Variants in ARHGEF10 observed in about 807,000 individuals in gnomAD.
ARHGEF10 encodes the protein Rho guanine nucleotide exchange factor 10.
In ARHGEF10, 140 loss-of-function variants were observed where a neutral mutation model predicts 147.4. The observed-to-expected ratio is 0.95, with a 90% confidence interval of 0.83 to 1.09. The LOEUF is 1.09. Ranked by LOEUF, ARHGEF10 falls within the 50% of genes least tolerant of loss-of-function variation. The pLI, the probability that ARHGEF10 is intolerant of heterozygous loss-of-function variation, is 0.00. For synonymous variants in ARHGEF10, 902 were observed against 695.8 expected, an observed-to-expected ratio of 1.30 and a Z score of -4.67; for missense variants, 2,222 against 1,752.7, an observed-to-expected ratio of 1.27 and a Z score of -4.78.
At chr8:1,872,567 C>G (rs935733071) in intron 7 of ARHGEF10, among the ~76,000 whole-genome samples, 4 of 152,166 alleles carry the variant, frequency 2.6e-5, no homozygotes, top group Non-Finnish European at 5.9e-5. Flanking sequence ...GTTCAAGGAT[C>G]CTTTGAGAAG....
rs937265397 is a variant in ARHGEF10, at chr8:1,826,375, T to C, written c.-48+2262T>C. 2.4e-4 allele frequency among the ~76,000 whole-genome samples: 37 copies of C among 151,980 alleles called. 1 individual carries two copies. Among genetic ancestry groups the C allele is most frequent in the Admixed American group, 2.2e-3 (34 of 15,242 alleles). Reference sequence around the variant, plus strand: ...GTATGTGTTTGTGTTTGTATGCATGTGTGTGCGTTTGTGTGTGCGTGTGTT... The same window carrying C: ...GTATGTGTTTGTGTTTGTATGCATGCGTGTGCGTTTGTGTGTGCGTGTGTT... On this transcript the variant is annotated intron_variant, in intron 1 of 28. Coordinates refer to ENST00000349830, the MANE Select transcript of ARHGEF10 (RefSeq NM_014629.4).
At chr8:1,950,841 A>G (rs1230985848) in intron 27 of ARHGEF10, among the ~76,000 whole-genome samples, 4 of 149,886 alleles carry the variant, frequency 2.7e-5, no homozygotes, top group Non-Finnish European at 5.9e-5. Flanking sequence ...CGGCCTCCCA[A>G]AGTGCTGGGA....
chr8:1,912,452 C>T lies in ARHGEF10; in HGVS notation c.2143+2982C>T, dbSNP rs192155606. ...GTCCCTGCAAAAGTGCTGTGTGGAT[C>T]GTGTGGGTTGAGTGTTTGCCGTGCA... is the stretch of plus-strand genomic sequence containing the variant. On this transcript the variant is annotated intron_variant, in intron 18 of 28. Coordinates refer to ENST00000349830, the MANE Select transcript of ARHGEF10 (RefSeq NM_014629.4). 9.9e-5 allele frequency among the ~76,000 whole-genome samples: 15 copies of T among 151,716 alleles called. No homozygotes were observed. The East Asian group carries it at 2.5e-3, about 26-fold the overall frequency.
rs945594585 is a variant in ARHGEF10, at chr8:1,842,536, C to T, written c.-47-817C>T. Among the ~76,000 whole-genome samples the T allele has an allele frequency of 1.1e-4, 16 of 152,196 alleles. 1 individual carries two copies. Among genetic ancestry groups the T allele is most frequent in the Admixed American group, 8.5e-4 (13 of 15,286 alleles). On this transcript the variant is annotated intron_variant, in intron 1 of 28. Coordinates refer to ENST00000349830, the MANE Select transcript of ARHGEF10 (RefSeq NM_014629.4). ...TGGGTGACACTCAGGGACCATGCCC[C>T]CTGTGGTCCCATGTGCTTTTCCTGA... is the stretch of plus-strand genomic sequence containing the variant.
intron 27 of ARHGEF10, among the ~76,000 whole-genome samples, chr8:1,947,049 C>T (rs956031805): frequency 2.6e-5 from 4 of 152,358 alleles, no homozygotes; most frequent in South Asian, 2.1e-4. Flanking sequence ...AGAAAGCAGA[C>T]GCTCTGCTGT....
At chr8:1,831,764 C>G (rs1226456648) in intron 1 of ARHGEF10, among the ~76,000 whole-genome samples, 2 of 152,246 alleles carry the variant, frequency 1.3e-5, no homozygotes, top group Non-Finnish European at 2.9e-5. Context: ...TCCTGGACAC[C>G]TGCACAGGGT....
At position 1,929,243 on chromosome 8, in the gene ARHGEF10, C is replaced by G; in HGVS notation, c.2922-43C>G. 3 of 1,598,678 alleles carry G rather than the reference C, an allele frequency of 1.9e-6. No homozygotes were observed. In the African/African-American group the frequency reaches 4.0e-5, roughly 21 times the overall value. On this transcript the variant is annotated intron_variant, in intron 24 of 28. Transcript: ENST00000349830. ...TTAACAGGCACCCTCGTTCTTGTTACAACGAGCAAATATATTTATTAGCTT... is the reference window on the plus strand; with the variant it reads ...TTAACAGGCACCCTCGTTCTTGTTAGAACGAGCAAATATATTTATTAGCTT...
At chr8:1,952,515 C>G (rs1027477718) in intron 27 of ARHGEF10, among the ~76,000 whole-genome samples, 190 bp from the exon 28 acceptor site, 7 of 152,238 alleles carry the variant, frequency 4.6e-5, no homozygotes, top group Admixed American at 4.6e-4. Context: ...GGTATGCCCT[C>G]AAGACCCTTG....
intron 17 of ARHGEF10, among the ~76,000 whole-genome samples, chr8:1,908,344 C>T (rs1811073260): frequency 6.6e-6 from 1 of 150,818 alleles, no homozygotes; most frequent in Non-Finnish European, 1.5e-5. Flanking sequence ...CATTCTCCTG[C>T]CTCAGCCTCC....
chr8:1,880,094 T>TGA lies in ARHGEF10; in HGVS notation c.895_896dup (p.Asp299GlufsTer3). 6 of 1,614,154 alleles carry TGA rather than the reference T, an allele frequency of 3.7e-6. No individual in the cohort carries two copies. Among genetic ancestry groups the TGA allele is most frequent in the Non-Finnish European group, 5.1e-6 (6 of 1,180,010 alleles). ...TTAAAGGAGCACTATGAGAAAAAGA[T>TGA]GAGAGATTTGATGGCAAGCACGGTG... On this transcript the variant is annotated frameshift_variant, in exon 9 of 29. Coordinates refer to ENST00000349830, the MANE Select transcript of ARHGEF10 (RefSeq NM_014629.4). LOFTEE classifies it high-confidence loss of function.
At chr8:1,936,775 G>T (rs1417742924) in intron 26 of ARHGEF10, among the ~76,000 whole-genome samples, 1 of 152,222 alleles carries the variant, frequency 6.6e-6, no homozygotes, top group African/African-American at 2.4e-5. Context: ...ACACTGACGA[G>T]ACCGGTTTCA....
chr8:1,929,150 A>G, intron 24 of ARHGEF10, 136 bp from the exon 25 acceptor site: 1 of 946,440 alleles, frequency 1.1e-6, no homozygotes, highest in South Asian at 1.6e-5. Flanking sequence ...TTTTAAAAGT[A>G]CTGGCAAGTG....
Position 1,831,436 on chromosome 8 carries a change from C to T in ARHGEF10, c.-48+7323C>T, listed in dbSNP as rs948594156. 1.6e-4 allele frequency among the ~76,000 whole-genome samples: 21 copies of T among 134,288 alleles called. 2 individuals are homozygous for T. The highest frequency in any genetic ancestry group is 5.6e-4 in the African/African-American group (20 of 35,558). The allele number at this position is 134,288 out of a possible 152,430, so 88.1% of individuals were successfully genotyped here. On this transcript the variant is annotated intron_variant, in intron 1 of 28. Transcript: ENST00000349830. The stretch of plus-strand genomic sequence containing the variant: ...TGGCTGTGGAGAGACAGTGTGACAT[C>T]TGTGGAGGGACAGTGTGACGGCCGT...
chr8:1,873,238 C>T (rs1267799562), intron 7 of ARHGEF10, among the ~76,000 whole-genome samples: 3 of 152,168 alleles, frequency 2.0e-5, no homozygotes, highest in African/African-American at 4.8e-5. Flanking sequence ...TTGTGCGGAC[C>T]GGGAGACGGG....
intron 18 of ARHGEF10, among the ~76,000 whole-genome samples, chr8:1,910,038 G>A (rs974901701): frequency 1.3e-5 from 2 of 151,890 alleles, no homozygotes; most frequent in Non-Finnish European, 2.9e-5. Context: ...ACCTAACATT[G>A]TTCAGACTGC....
intron 17 of ARHGEF10, among the ~76,000 whole-genome samples, chr8:1,908,390 C>T (rs1811078425): frequency 6.6e-6 from 1 of 151,882 alleles, no homozygotes; most frequent in Admixed American, 6.6e-5. Context: ...ACCACCACAC[C>T]CAGCTAATTT....
intron 7 of ARHGEF10, among the ~76,000 whole-genome samples, chr8:1,875,398 G>A (rs557431258): frequency 6.6e-6 from 1 of 152,232 alleles, no homozygotes; most frequent in African/African-American, 2.4e-5. Flanking sequence ...AGGCTCTCAG[G>A]ATGACTCTTG....
intron 15 of ARHGEF10, among the ~76,000 whole-genome samples, chr8:1,901,587 C>G (rs2129171441): frequency 6.6e-6 from 1 of 152,354 alleles, no homozygotes; most frequent in East Asian, 1.9e-4. Flanking sequence ...CAGCGAGAAA[C>G]TTCACTTTTC....
chr8:1,834,224 C>T (rs773458802), intron 1 of ARHGEF10, among the ~76,000 whole-genome samples: 1 of 152,212 alleles, frequency 6.6e-6, no homozygotes, highest in Non-Finnish European at 1.5e-5. Context: ...GGGGCCCAGG[C>T]GGGTTGATTC....
Sources: allele counts gnomAD v4.1 joint callset (sites outside exome capture counted in the v4.1 genomes callset), GRCh38; gene constraint gnomAD v4.1.1; transcripts MANE v1.5; gene names NCBI Gene and HGNC (gene_info 2026-07-23, HGNC 2026-07-21).